Variants in CNTNAP5 observed in about 807,000 individuals in gnomAD.
CNTNAP5 encodes contactin associated protein family member 5.
CNTNAP5 carries 72 observed loss-of-function variants against 150.2 expected under a neutral mutation model. The ratio of observed to expected loss-of-function variants is 0.48; its 90% confidence interval spans 0.40 to 0.58. CNTNAP5 has a LOEUF of 0.58. Ranked by LOEUF, CNTNAP5 falls within the 20% of genes least tolerant of loss-of-function variation. The pLI, the probability that CNTNAP5 is intolerant of heterozygous loss-of-function variation, is 0.00. For missense variants in CNTNAP5, 1,636 were observed against 1,626.2 expected (o/e 1.01, Z -0.10); for synonymous variants, 672 against 619.8 (o/e 1.08, Z -1.25).
intron 11 of CNTNAP5, among the ~76,000 whole-genome samples, chr2:124,608,161 A>G (rs1009477485): frequency 6.6e-6 from 1 of 152,156 alleles, no homozygotes; most frequent in Non-Finnish European, 1.5e-5. Flanking sequence ...GGAGTTGGCT[A>G]GGAGAGGAGT....
chr2:124,691,035 G>A (rs376952246), intron 13 of CNTNAP5, among the ~76,000 whole-genome samples: 1 of 152,052 alleles, frequency 6.6e-6, no homozygotes, highest in Non-Finnish European at 1.5e-5. Flanking sequence ...AAGGCCCAAA[G>A]GTACAGGGGA....
chr2:124,849,742 G>A (rs1683117914), intron 19 of CNTNAP5, among the ~76,000 whole-genome samples: 1 of 152,112 alleles, frequency 6.6e-6, no homozygotes, highest in African/African-American at 2.4e-5. Context: ...ACATTTGATT[G>A]TACATGCAAT....
At chr2:124,716,884 G>T (rs1679956007) in intron 13 of CNTNAP5, among the ~76,000 whole-genome samples, 1 of 152,116 alleles carries the variant, frequency 6.6e-6, no homozygotes, top group South Asian at 2.1e-4. Flanking sequence ...AAATCATCCT[G>T]CCATAACATC....
intron 22 of CNTNAP5, among the ~76,000 whole-genome samples, chr2:124,910,907 G>A (rs1432161866): frequency 6.6e-6 from 1 of 151,822 alleles, no homozygotes; most frequent in African/African-American, 2.4e-5. Flanking sequence ...AATGTCACCA[G>A]ACCAACAAAC....
chr2:124,179,320 C>G (rs34050859), intron 1 of CNTNAP5, among the ~76,000 whole-genome samples: 29,588 of 151,938 alleles, frequency 0.19, 3,028 homozygotes, highest in Non-Finnish European at 0.22. Flanking sequence ...CCACCATGCC[C>G]GGCTAATTTT....
chr2:124,079,022 C>G (rs866724215), intron 1 of CNTNAP5, among the ~76,000 whole-genome samples: 143 of 152,128 alleles, frequency 9.4e-4, no homozygotes, highest in African/African-American at 3.3e-3. Flanking sequence ...TTGGATCTAG[C>G]AATTCCAAGT....
chr2:124,739,138 T>C (rs1411538365), intron 13 of CNTNAP5, among the ~76,000 whole-genome samples: 1 of 152,142 alleles, frequency 6.6e-6, no homozygotes, highest in Admixed American at 6.6e-5. Flanking sequence ...TAATCTTTTC[T>C]GTTTCCCCCT....
chr2:124,224,066 G>C (rs759064517), intron 2 of CNTNAP5, among the ~76,000 whole-genome samples: 27 of 151,974 alleles, frequency 1.8e-4, no homozygotes, highest in Non-Finnish European at 3.8e-4. Context: ...AGCTTTGCAA[G>C]GAGCATTGCC....
At chr2:124,653,156 T>G (rs35658694) in intron 13 of CNTNAP5, among the ~76,000 whole-genome samples, 37,777 of 152,108 alleles carry the variant, frequency 0.25, 4,943 homozygotes, top group African/African-American at 0.33. Flanking sequence ...CCATTCCTAT[T>G]AATTCATTCA....
chr2:124,312,042 TG>T (rs1407256071), intron 3 of CNTNAP5, among the ~76,000 whole-genome samples: 76 of 152,258 alleles, frequency 5.0e-4, no homozygotes, highest in African/African-American at 1.6e-3. Context: ...AGAAACAGCC[TG>T]GAACAGCAAA....
At chr2:124,317,798 A>G (rs775313923) in intron 3 of CNTNAP5, among the ~76,000 whole-genome samples, 4 of 152,148 alleles carry the variant, frequency 2.6e-5, no homozygotes, top group African/African-American at 7.2e-5. Flanking sequence ...GACACACACC[A>G]TACACACGTA....
intron 19 of CNTNAP5, among the ~76,000 whole-genome samples, chr2:124,827,547 A>G (rs1003153346): frequency 5.3e-5 from 8 of 152,184 alleles, no homozygotes; most frequent in Non-Finnish European, 1.0e-4. Flanking sequence ...GACTTAACCC[A>G]CATGACAGAC....
At chr2:124,521,590 C>T (rs1253656875) in intron 8 of CNTNAP5, among the ~76,000 whole-genome samples, 1 of 152,142 alleles carries the variant, frequency 6.6e-6, no homozygotes, top group Non-Finnish European at 1.5e-5. Context: ...CGAGGGGACA[C>T]TCACTGTGGC....
At chr2:124,879,468 T>C (rs1677924868) in intron 21 of CNTNAP5, among the ~76,000 whole-genome samples, 1 of 152,092 alleles carries the variant, frequency 6.6e-6, no homozygotes, top group Non-Finnish European at 1.5e-5. Context: ...CCTCTTACAA[T>C]GTATTTTTCT....
chr2:124,246,524 A>G (rs1573864384), intron 3 of CNTNAP5, among the ~76,000 whole-genome samples: 1 of 152,256 alleles, frequency 6.6e-6, no homozygotes, highest in East Asian at 1.9e-4. Flanking sequence ...AAATATTAAA[A>G]TTCCGACTCT....
chr2:124,501,022 T>G (rs928133724), intron 7 of CNTNAP5, among the ~76,000 whole-genome samples: 4 of 152,106 alleles, frequency 2.6e-5, no homozygotes, highest in Admixed American at 6.6e-5. Context: ...GAAGACTGAC[T>G]TCCTTTTTGG....
chr2:124,359,491 T>G (rs1690134278), intron 3 of CNTNAP5, among the ~76,000 whole-genome samples: 1 of 151,706 alleles, frequency 6.6e-6, no homozygotes, highest in African/African-American at 2.4e-5. Flanking sequence ...TCACAGAGAT[T>G]CTGGTATGTT....
chr2:124,047,094 C>G (rs1352368248), intron 1 of CNTNAP5, among the ~76,000 whole-genome samples: 1 of 152,120 alleles, frequency 6.6e-6, no homozygotes, highest in Non-Finnish European at 1.5e-5. Flanking sequence ...AAGACCAAGA[C>G]AAGTGATGAG....
intron 1 of CNTNAP5, among the ~76,000 whole-genome samples, chr2:124,121,675 C>G (rs1415656001): frequency 6.6e-6 from 1 of 152,104 alleles, no homozygotes; most frequent in Non-Finnish European, 1.5e-5. Context: ...AGACACGAGA[C>G]GTACCTGAGG....
Sources: allele counts gnomAD v4.1 joint callset (sites outside exome capture counted in the v4.1 genomes callset), GRCh38; gene constraint gnomAD v4.1.1; transcripts MANE v1.5; gene names NCBI Gene and HGNC (gene_info 2026-07-23, HGNC 2026-07-21).